The following AKNAD1 variants were observed in gnomAD, a reference collection of about 807,000 sequenced individuals.
AKNAD1 encodes AKNA domain containing 1.
In AKNAD1, 67 loss-of-function variants were observed where a neutral mutation model predicts 90.8. The observed-to-expected ratio is 0.74, with a 90% confidence interval of 0.61 to 0.90. The LOEUF is 0.90. Ranked by LOEUF, AKNAD1 falls within the 40% of genes least tolerant of loss-of-function variation. The pLI is 0.00. For missense variants in AKNAD1, 957 were observed against 975.4 expected (o/e 0.98, Z 0.25); for synonymous variants, 327 against 341.4 (o/e 0.96, Z 0.46).
In AKNAD1 at chr1:108,834,469, A is replaced by G. The variant is rs764658166; in HGVS notation, c.1724T>C (p.Met575Thr). 17 of 1,610,984 alleles carry G rather than the reference A, an allele frequency of 1.1e-5. No homozygotes were observed. The highest frequency in any genetic ancestry group is 1.2e-5 in the Non-Finnish European group (14 of 1,178,844). ...AAQNKPDQVA[M>T]RLSSNSGEDP... ...TACCCCAGAGTTAGAAGACAGCCTC[A>G]TGGCCACTTGGTCTGGCTTGTTCTG... Residue 575 changes from methionine to threonine, a missense_variant, in exon 9 of 16, where the codon ATG becomes ACG. Met to Thr is a moderately conservative substitution (Grantham distance 81, BLOSUM62 -1). Coordinates refer to ENST00000370001, the MANE Select transcript of AKNAD1 (RefSeq NM_152763.5).
chr1:108,847,461 CAAAA>C (rs1271804119), intron 5 of AKNAD1, among the ~76,000 whole-genome samples: 1 of 137,684 alleles, frequency 7.3e-6, no homozygotes, highest in African/African-American at 2.7e-5. Flanking sequence ...AAAAAAAAAA[CAAAA>C]AAAAAAACCT....
intron 3 of AKNAD1, 151 bp from the exon 4 acceptor site, chr1:108,849,211 TG>T: frequency 2.7e-6 from 2 of 738,632 alleles, no homozygotes; most frequent in Non-Finnish European, 4.1e-6. Context: ...CCAGGCACAG[TG>T]GCTCACACCT....
chr1:108,845,268 C>G (rs964199218), intron 5 of AKNAD1, among the ~76,000 whole-genome samples: 1 of 152,218 alleles, frequency 6.6e-6, no homozygotes, highest in African/African-American at 2.4e-5. Context: ...GACTGCACCA[C>G]AGGCTCCCCT....
chr1:108,823,417 G>A lies in AKNAD1; in HGVS notation c.2120C>T (p.Ala707Val). ...QNYSNHSKRG[A>V]FVQPHSLDES... ...ATCTAAAGAATGGGGCTGGACAAAG[G>A]CACCTCTTTTGCTATGATTTGAGTA... The change falls in exon 13 of 16, where the codon GCC (alanine) becomes GTC (valine). Residue 707 changes from alanine to valine, a missense_variant. Transcript: ENST00000370001. 6.2e-7 allele frequency: 1 copy of A among 1,614,166 alleles called. No homozygotes were observed. The highest frequency in any genetic ancestry group is 1.3e-5 in the African/African-American group (1 of 75,044).
Position 108,843,168 on chromosome 1 carries a change from C to T in AKNAD1, c.1345G>A (p.Glu449Lys), listed in dbSNP as rs369675579. ...TCAAAGTCACCAACGATTGTTGATT[C>T]GTGCTTGTGGACTTGCTGCTGCAAA... ...LTLQQQVHKH[E>K]STIVGDFDPE... Residue 449 changes from glutamate to lysine, a missense_variant, in exon 6 of 16, where the codon GAA becomes AAA. Coordinates refer to ENST00000370001, the MANE Select transcript of AKNAD1 (RefSeq NM_152763.5). 1.1e-5 allele frequency: 17 copies of T among 1,614,154 alleles called. No individual in the cohort carries two copies. The highest frequency in any genetic ancestry group is 6.7e-5 in the Admixed American group (4 of 60,020).
chr1:108,849,200 G>T (rs1664784143), intron 3 of AKNAD1, 140 bp from the exon 4 acceptor site: 4 of 794,138 alleles, frequency 5.0e-6, no homozygotes, highest in Non-Finnish European at 7.5e-6. Context: ...ATTTATCTAG[G>T]CCAGGCACAG....
intron 1 of AKNAD1, among the ~76,000 whole-genome samples, chr1:108,855,179 C>G (rs539643865): frequency 4.1e-5 from 6 of 147,718 alleles, no homozygotes; most frequent in African/African-American, 1.5e-4. Flanking sequence ...TTTGGGCGGC[C>G]GAGGCAGGTG....
At chr1:108,849,807 T>C (rs1664799167) in intron 2 of AKNAD1, among the ~76,000 whole-genome samples, 1 of 152,200 alleles carries the variant, frequency 6.6e-6, no homozygotes, top group African/African-American at 2.4e-5. Flanking sequence ...ATGGGGATAG[T>C]AAGTGAACCT....
At chr1:108,849,137 G>T in intron 3 of AKNAD1, 77 bp from the exon 4 acceptor site, 2 of 1,295,112 alleles carry the variant, frequency 1.5e-6, no homozygotes, top group Non-Finnish European at 1.0e-6. Context: ...AAAACAGAAA[G>T]CTGTTGCAGT....
chr1:108,831,866 C>T (rs1311143159), intron 9 of AKNAD1, among the ~76,000 whole-genome samples: 2 of 152,006 alleles, frequency 1.3e-5, no homozygotes, highest in South Asian at 2.1e-4. Context: ...CCTCATGATT[C>T]GCCCACCTCG....
At chr1:108,854,761 C>G (rs1185671547) in intron 1 of AKNAD1, among the ~76,000 whole-genome samples, 1 of 152,144 alleles carries the variant, frequency 6.6e-6, no homozygotes, top group Non-Finnish European at 1.5e-5. Flanking sequence ...AGTTGAAGAA[C>G]AAGGGAAAAG....
At chr1:108,818,919 G>A (rs1052921789) in intron 14 of AKNAD1, among the ~76,000 whole-genome samples, 26 of 143,924 alleles carry the variant, frequency 1.8e-4, no homozygotes, top group Admixed American at 1.6e-3. Context: ...AGCCATGATC[G>A]TGCCACTTCA....
At chr1:108,820,917 C>T (rs1171677809) in intron 13 of AKNAD1, among the ~76,000 whole-genome samples, 1 of 151,978 alleles carries the variant, frequency 6.6e-6, no homozygotes, top group African/African-American at 2.4e-5. Context: ...TCCATACTAA[C>T]TATACATTTT....
chr1:108,831,047 A>G lies in AKNAD1; in HGVS notation c.1747-397T>C, dbSNP rs371210452. 8.5e-5 allele frequency among the ~76,000 whole-genome samples: 13 copies of G among 152,350 alleles called. 1 individual carries two copies. The highest frequency in any genetic ancestry group is 3.1e-4 in the African/African-American group (13 of 41,582). On this transcript the variant is annotated intron_variant, in intron 9 of 15. Coordinates refer to ENST00000370001, the MANE Select transcript of AKNAD1 (RefSeq NM_152763.5). ...TCGCCAGATAATGAACAGATTTAGG[A>G]ACATAATTTTTAGATCTATTAATCT...
intron 8 of AKNAD1, 129 bp downstream of exon 8, chr1:108,834,800 C>T (rs1258052587): frequency 6.4e-6 from 9 of 1,412,846 alleles, no homozygotes; most frequent in Middle Eastern, 4.9e-4. Context: ...GCCAGGCTAC[C>T]AGGCTTTGTA....
At chr1:108,820,341 T>C (rs1570791186) in intron 14 of AKNAD1, among the ~76,000 whole-genome samples, 1 of 152,226 alleles carries the variant, frequency 6.6e-6, no homozygotes, top group East Asian at 1.9e-4. Flanking sequence ...CTTTGTCCTG[T>C]GTTCTCAGTA....
At chr1:108,822,065 C>T (rs1330384088) in intron 13 of AKNAD1, among the ~76,000 whole-genome samples, 2 of 152,074 alleles carry the variant, frequency 1.3e-5, no homozygotes, top group Admixed American at 1.3e-4. Context: ...TGAAGAGGCA[C>T]TAATGAGCTC....
Position 108,816,079 on chromosome 1 carries a change from C to T in AKNAD1, c.*92G>A. 1 of 1,321,304 alleles carries T rather than the reference C, an allele frequency of 7.6e-7. No individual in the cohort carries two copies. Among genetic ancestry groups the T allele is most frequent in the Non-Finnish European group, 9.9e-7 (1 of 1,006,238 alleles). 81.8% of individuals were successfully genotyped at this position (1,321,304 alleles called of 1,614,324 possible). ...GTGTTTTCTCTAGAAAGTCATCTTC[C>T]TAAATTGTGTAGTAAGTAAAATACA... On this transcript the variant is annotated 3_prime_UTR_variant, in exon 16 of 16. Coordinates refer to ENST00000370001, the MANE Select transcript of AKNAD1 (RefSeq NM_152763.5).
intron 5 of AKNAD1, 77 bp downstream of exon 5, chr1:108,848,675 G>T: frequency 1.5e-6 from 2 of 1,301,372 alleles, no homozygotes; most frequent in South Asian, 1.3e-5. Flanking sequence ...GAGAAAACAT[G>T]GCACTATAAA....
Sources: gnomAD v4.1 joint callset for allele counts (sites outside exome capture counted in the v4.1 genomes callset) on GRCh38, gnomAD v4.1.1 for gene constraint, MANE v1.5 for transcripts, NCBI Gene and HGNC (gene_info 2026-07-23, HGNC 2026-07-21) for gene names.